Variants in CFTR observed in about 807,000 individuals in gnomAD.
CFTR encodes CF transmembrane conductance regulator, also known as cystic fibrosis transmembrane conductance regulator.
A neutral mutation model predicts 171.6 loss-of-function variants in CFTR; 181 were observed. The ratio of observed to expected loss-of-function variants is 1.05; its 90% CI spans 0.93 to 1.19. The LOEUF (loss-of-function observed/expected upper bound fraction) is 1.19, where lower values mean the gene tolerates loss of function less well. CFTR is among the 50% of genes most tolerant of loss of function. The pLI, the probability that CFTR is intolerant of heterozygous loss-of-function variation, is 0.00. For synonymous variants in CFTR, 583 were observed against 608.0 expected (o/e 0.96, Z 0.60); for missense variants, 1,968 against 1,734.7 (o/e 1.13, Z -2.39).
At chr7:117,518,384 A>G (rs552265100) in intron 3 of CFTR, among the ~76,000 whole-genome samples, 152 of 146,994 alleles carry the variant, frequency 1.0e-3, no homozygotes, top group Non-Finnish European at 1.7e-3. Context: ...ATATAATACT[A>G]TAAATAATAT....
rs76371115 is a variant in CFTR at position 117,531,041 on chromosome 7, A to C, written c.416A>C (p.His139Pro). Residue 139 changes from histidine (H) to proline (P), a missense_variant, in exon 4 of 27, where the codon CAC becomes CCC. Transcript: ENST00000003084. ...TTTATTGTGAGGACACTGCTCCTAC[A>C]CCCAGCCATTTTTGGCCTTCATCAC... ...LLFIVRTLLL[H>P]PAIFGLHHIG... 3 of 1,613,822 alleles carry C rather than the reference A, an allele frequency of 1.9e-6. No individual in the cohort carries two copies. Among genetic ancestry groups the C allele is most frequent in the Middle Eastern group, 3.3e-4 (2 of 6,058 alleles).
intron 3 of CFTR, among the ~76,000 whole-genome samples, chr7:117,512,620 C>G (rs765788651): frequency 8.6e-6 from 1 of 115,924 alleles, no homozygotes; most frequent in East Asian, 2.4e-4. Context: ...GGTGACAGAG[C>G]GAGACTCCAT....
At chr7:117,591,143 A>C (rs1258569847) in intron 13 of CFTR, among the ~76,000 whole-genome samples, 1 of 152,160 alleles carries the variant, frequency 6.6e-6, no homozygotes, top group Non-Finnish European at 1.5e-5. Flanking sequence ...TTATTCCTAG[A>C]AGTACCTTTC....
chr7:117,558,509 G>A (rs188881501), intron 10 of CFTR, among the ~76,000 whole-genome samples: 4 of 151,846 alleles, frequency 2.6e-5, no homozygotes, highest in African/African-American at 7.2e-5. Flanking sequence ...AGCCGAGATC[G>A]CGCCACTGCA....
intron 3 of CFTR, among the ~76,000 whole-genome samples, chr7:117,529,755 C>T (rs1202520057): frequency 6.6e-6 from 1 of 151,954 alleles, no homozygotes; most frequent in Non-Finnish European, 1.5e-5. Context: ...TTAGAAAATA[C>T]ATTGTAGAAA....
intron 8 of CFTR, among the ~76,000 whole-genome samples, 181 bp downstream of exon 8, chr7:117,540,527 C>T (rs991774964): frequency 6.6e-6 from 1 of 152,164 alleles, no homozygotes; most frequent in African/African-American, 2.4e-5. Context: ...TAGCATTTCT[C>T]TGGACAGTAT....
intron 11 of CFTR, among the ~76,000 whole-genome samples, chr7:117,585,109 A>G (rs936744410): frequency 6.6e-6 from 1 of 151,680 alleles, no homozygotes; most frequent in African/African-American, 2.4e-5. Context: ...TTTTCCCGCT[A>G]TTATCTTTTT....
intron 11 of CFTR, among the ~76,000 whole-genome samples, chr7:117,569,958 T>C (rs566792252): frequency 6.6e-6 from 1 of 151,660 alleles, no homozygotes; most frequent in Admixed American, 6.6e-5. Flanking sequence ...TATAAATAGG[T>C]TAAAAAGTCA....
rs397508480 is a variant in CFTR at position 117,610,547 on chromosome 7, C to A, written c.3017C>A (p.Ala1006Glu). ...TTATTAATTGTGATTGGAGCTATAG[C>A]AGTTGTCGCAGTTTTACAACCCTAC... is the stretch of plus-strand genomic sequence containing the variant. Reference protein sequence around the residue: ...QLLLIVIGAIAVVAVLQPYIF... With the variant: ...QLLLIVIGAIEVVAVLQPYIF... Residue 1006 changes from alanine to glutamate, a missense_variant, in exon 19 of 27, where the codon GCA becomes GAA. Ala to Glu is a moderately radical substitution (Grantham distance 107). Coordinates refer to ENST00000003084, the MANE Select transcript of CFTR (RefSeq NM_000492.4). 3.7e-6 allele frequency: 6 copies of A among 1,613,264 alleles called. No homozygotes were observed. The highest frequency in any genetic ancestry group is 1.1e-5 in the South Asian group (1 of 91,054).
intron 9 of CFTR, 74 bp from the exon 10 acceptor site, chr7:117,548,567 T>G: frequency 6.4e-7 from 1 of 1,566,110 alleles, no homozygotes; most frequent in Non-Finnish European, 8.7e-7. Context: ...AAAACAAGCA[T>G]CTATTGAAAA....
At chr7:117,490,589 G>T (rs1557630) in intron 1 of CFTR, among the ~76,000 whole-genome samples, 1 of 151,732 alleles carries the variant, frequency 6.6e-6, no homozygotes, top group South Asian at 2.1e-4. Context: ...TTTAACCAAA[G>T]TTTACTGATT....
chr7:117,552,234 C>T (rs1212143080), intron 10 of CFTR, among the ~76,000 whole-genome samples: 2 of 151,994 alleles, frequency 1.3e-5, no homozygotes, highest in African/African-American at 4.8e-5. Flanking sequence ...GCTCAATTGA[C>T]CTTTCCGCTT....
intron 3 of CFTR, among the ~76,000 whole-genome samples, chr7:117,522,495 G>A (rs183378984): frequency 2.0e-5 from 3 of 152,278 alleles, no homozygotes; most frequent in East Asian, 1.9e-4. Context: ...TGGCTTACAC[G>A]TTGGTATCAG....
intron 21 of CFTR, among the ~76,000 whole-genome samples, chr7:117,622,602 C>T (rs2116117013): frequency 6.6e-6 from 1 of 152,196 alleles, no homozygotes; most frequent in East Asian, 1.9e-4. Flanking sequence ...ATAGTGTTGC[C>T]AGCCAGGTCT....
chr7:117,597,870 C>T (rs900502198), intron 15 of CFTR, among the ~76,000 whole-genome samples: 1 of 151,452 alleles, frequency 6.6e-6, no homozygotes, highest in African/African-American at 2.4e-5. Context: ...GCCACAAGTT[C>T]AGATCCTCAT....
intron 23 of CFTR, among the ~76,000 whole-genome samples, chr7:117,643,057 T>C (rs1247332439): frequency 6.6e-6 from 1 of 152,172 alleles, no homozygotes; most frequent in African/African-American, 2.4e-5. Flanking sequence ...GTCAGATTAG[T>C]CTGTAACTAT....
At position 117,587,741 on chromosome 7, in the gene CFTR, C is replaced by T. The variant is rs772895745; in HGVS notation, c.1587C>T (p.Asp529=). ...TAATTTTCTATTTTTGGTAATAGGA[C>T]ATCTCCAAGTTTGCAGAGAAAGACA... The part of the protein sequence containing the change: ...SVIKACQLEE[D]ISKFAEKDNI... The change falls in exon 12 of 27, where the codon GAC becomes GAT. Residue 529 remains aspartate, a splice_region_variant and synonymous_variant. Transcript: ENST00000003084. The T allele has an allele frequency of 4.4e-6, 7 of 1,592,372 alleles. No individual in the cohort carries two copies. In the South Asian group the frequency reaches 6.6e-5, roughly 15 times the overall value.
chr7:117,501,747 C>CAAAAAAAAAAAAAAAAAAAAAAAAA (rs1212853305), intron 1 of CFTR, among the ~76,000 whole-genome samples: 14 of 43,888 alleles, frequency 3.2e-4, no homozygotes, highest in East Asian at 6.4e-4. Context: ...AACTCTGTCT[C>CAAAAAAAAAAAAAAAAAAAAAAAAA]AAAAAAAAAA....
intron 23 of CFTR, among the ~76,000 whole-genome samples, chr7:117,650,304 A>G (rs1238384720): frequency 6.6e-6 from 1 of 152,140 alleles, no homozygotes; most frequent in Non-Finnish European, 1.5e-5. Context: ...ATTTGGGAAG[A>G]TCAGGGAGAA....
Sources: gnomAD v4.1 joint callset for allele counts (sites outside exome capture counted in the v4.1 genomes callset) on GRCh38, gnomAD v4.1.1 for gene constraint, MANE v1.5 for transcripts, NCBI Gene and HGNC (gene_info 2026-07-23, HGNC 2026-07-21) for gene names.